Variants in IGSF9B observed in about 807,000 individuals in gnomAD.
IGSF9B encodes immunoglobulin superfamily member 9B.
In IGSF9B, 48 loss-of-function variants were observed where a neutral mutation model predicts 143.7. The observed-to-expected ratio is 0.33, with a 90% confidence interval of 0.26 to 0.42. The LOEUF is 0.42. IGSF9B is among the 20% of genes least tolerant of loss of function. IGSF9B has a pLI of 1.00. For missense variants in IGSF9B, 1,706 were observed against 1,980.0 expected, an observed-to-expected ratio of 0.86 and a Z score of 2.63; for synonymous variants, 903 against 833.1, an observed-to-expected ratio of 1.08 and a Z score of -1.44.
At chr11:133,915,669 T>G (rs994206161) in intron 18 of IGSF9B, among the ~76,000 whole-genome samples, 3 of 152,224 alleles carry the variant, frequency 2.0e-5, no homozygotes, top group African/African-American at 7.2e-5. Context: ...CAGGTCAAAG[T>G]GGAGGCAAGC....
At position 133,904,735 on chromosome 11, in the gene IGSF9B, C is replaced by T. The variant is rs1591704779; in HGVS notation, c.*4334G>A. Among the ~76,000 whole-genome samples the T allele has an allele frequency of 6.6e-6, 1 of 151,922 alleles. No individual in the cohort carries two copies. Among genetic ancestry groups the T allele is most frequent in the African/African-American group, 2.4e-5 (1 of 41,310 alleles). On this transcript the variant is annotated 3_prime_UTR_variant, in exon 20 of 20. Coordinates refer to ENST00000533871, the MANE Select transcript of IGSF9B (RefSeq NM_001277285.4). The stretch of plus-strand genomic sequence containing the variant: ...CCTGGGGTGGTCTCACCATCCTAAC[C>T]CATGCCTGACCTCACCCTCTGTGCC...
In IGSF9B at chr11:133,901,890, AACAC is replaced by A. The variant is rs767249629; in HGVS notation, c.*7175_*7178del. On this transcript the variant is annotated 3_prime_UTR_variant, in exon 20 of 20. Coordinates refer to ENST00000533871, the MANE Select transcript of IGSF9B (RefSeq NM_001277285.4). Reference sequence around the variant, plus strand: ...CCACACACGCACCACACACACACACAACACACACACAACACACCACACACAACAC... The same window carrying A: ...CCACACACGCACCACACACACACACAACACACAACACACCACACACAACAC... 4.8e-3 allele frequency among the ~76,000 whole-genome samples: 670 copies of A among 140,964 alleles called. 3 individuals carry two copies. The highest frequency in any genetic ancestry group is 8.0e-3 in the Admixed American group (114 of 14,192). The allele number at this position is 140,964 out of a possible 152,430, so 92.5% of individuals were successfully genotyped here.
rs1939193737 is a variant in IGSF9B at position 133,905,255 on chromosome 11, C to G, written c.*3814G>C. 6.6e-6 allele frequency among the ~76,000 whole-genome samples: 1 copy of G among 151,580 alleles called. No homozygotes were observed. Among genetic ancestry groups the G allele is most frequent in the Non-Finnish European group, 1.5e-5 (1 of 67,920 alleles). ...TTCTTCCCCCACCCCACCCCCAAGC[C>G]TGGAAAAGGCTTTTGCTAACAAAAT... On this transcript the variant is annotated 3_prime_UTR_variant, in exon 20 of 20. Transcript: ENST00000533871. The surrounding 1 kb of genome is among the most constrained non-coding windows in gnomAD (Gnocchi z 4.0).
intron 16 of IGSF9B, 61 bp downstream of exon 16, chr11:133,922,508 T>C: frequency 6.5e-7 from 1 of 1,543,916 alleles, no homozygotes; most frequent in Non-Finnish European, 8.9e-7. Context: ...GGTCCACCTC[T>C]CTTGATGGGG....
chr11:133,927,614 C>A (rs1939651221), intron 12 of IGSF9B, among the ~76,000 whole-genome samples: 1 of 152,196 alleles, frequency 6.6e-6, no homozygotes. Context: ...CCATAATGAC[C>A]AGGGGTTTCC....
intron 18 of IGSF9B, chr11:133,919,118 CGGG>C: frequency 3.0e-5 from 2 of 66,588 alleles, no homozygotes; most frequent in Non-Finnish European, 6.5e-5. Flanking sequence ...GCGAGGTATA[CGGG>C]GGGGGGGTGG....
At position 133,937,380 on chromosome 11, in the gene IGSF9B, G is replaced by A. The variant is rs774822245; in HGVS notation, c.675C>T (p.Val225=). Residue 225 remains valine (V), a synonymous_variant, in exon 5 of 20, where the codon GTC becomes GTT. Transcript: ENST00000533871. ...GGCTGAGGAAATGGCTCCTACCTTG[G>A]ACAAGCAGGTGAGTCGTGTGGACAG... ...GEAVHTTHLL[V]QGPPFIVSPP... 1 of 1,608,994 alleles carries A rather than the reference G, an allele frequency of 6.2e-7. No individual in the cohort carries two copies. The highest frequency in any genetic ancestry group is 1.1e-5 in the South Asian group (1 of 90,778).
At chr11:133,912,100 G>T in intron 18 of IGSF9B, 93 bp from the exon 19 acceptor site, 2 of 1,414,430 alleles carry the variant, frequency 1.4e-6, no homozygotes, top group Non-Finnish European at 1.9e-6. Context: ...CTGACCCACA[G>T]AAGGACAGAG....
intron 19 of IGSF9B, among the ~76,000 whole-genome samples, chr11:133,911,336 G>C (rs1251090515): frequency 6.6e-6 from 1 of 152,210 alleles, no homozygotes; most frequent in African/African-American, 2.4e-5. Flanking sequence ...ATCTCACTGA[G>C]AAGGGTGTAG....
Position 133,902,463 on chromosome 11 carries a change from G to GCACACC in IGSF9B, c.*6605_*6606insGGTGTG, listed in dbSNP as rs1163338242. ...ACACCACCCAGACACACCACACACA[G>GCACACC]ATACACACACCACACACAACACACA... On this transcript the variant is annotated 3_prime_UTR_variant, in exon 20 of 20. Coordinates refer to ENST00000533871, the MANE Select transcript of IGSF9B (RefSeq NM_001277285.4). Among the ~76,000 whole-genome samples the GCACACC allele has an allele frequency of 2.8e-4, 10 of 35,544 alleles. No individual in the cohort carries two copies. The highest frequency in any genetic ancestry group is 1.9e-3 in the East Asian group (1 of 514). The allele number at this position is 35,544 out of a possible 152,430, so 23.3% of individuals were successfully genotyped here.
At chr11:133,944,028 A>G (rs988492449) in intron 3 of IGSF9B, among the ~76,000 whole-genome samples, 192 bp downstream of exon 3, 17 of 152,370 alleles carry the variant, frequency 1.1e-4, no homozygotes, top group Admixed American at 1.1e-3. Flanking sequence ...CTGCCTGCAC[A>G]GGCTTCGAGA....
rs759835654 is a variant in IGSF9B at position 133,937,947 on chromosome 11, T to C, written c.424A>G (p.Thr142Ala). The change falls in exon 4 of 20, where the codon ACA (threonine) becomes GCA (alanine). Residue 142 changes from threonine to alanine, a missense_variant. Physicochemically the swap from Thr to Ala is moderately conservative, Grantham distance 58. This residue lies in a region of IGSF9B where 171 missense variants were observed against 213.9 expected (regional missense o/e 0.80). Coordinates refer to ENST00000533871, the MANE Select transcript of IGSF9B (RefSeq NM_001277285.4). ...HLTINAPPTF[T>A]ETPPQYIEAK... ...TCGATGTACTGGGGGGGTGTTTCTG[T>C]AAAGGTGGGAGGGGCTGCAAAGGAG... 2 of 1,613,136 alleles carry C rather than the reference T, an allele frequency of 1.2e-6. No homozygotes were observed. Among genetic ancestry groups the C allele is most frequent in the East Asian group, 4.5e-5 (2 of 44,850 alleles).
chr11:133,929,639 A>C (rs375358481), intron 12 of IGSF9B, 32 bp downstream of exon 12: 22 of 1,488,020 alleles, frequency 1.5e-5, no homozygotes, highest in Non-Finnish European at 2.1e-5. Context: ...CAGAGAGCAA[A>C]GCATGCCGGG....
intron 5 of IGSF9B, 44 bp from the exon 6 acceptor site, chr11:133,936,238 C>T (rs370345780): frequency 1.8e-5 from 28 of 1,578,790 alleles, no homozygotes; most frequent in African/African-American, 6.7e-5. Flanking sequence ...TGATCAGGGA[C>T]GGCAGCAGCA....
rs1168772180 is a variant in IGSF9B, at chr11:133,920,698, G to A, written c.3027C>T (p.His1009=). 3 of 1,613,416 alleles carry A rather than the reference G, an allele frequency of 1.9e-6. No individual in the cohort carries two copies. Among genetic ancestry groups the A allele is most frequent in the African/African-American group, 1.3e-5 (1 of 75,050 alleles). The part of the protein sequence containing the change: ...PPLPTEGPFG[H]PTIPEENGEN... Reference sequence around the variant, plus strand: ...CTCCATTCTCCTCGGGGATGGTGGGGTGGCCAAAGGGCCCCTCGGTGGGCA... The same window carrying A: ...CTCCATTCTCCTCGGGGATGGTGGGATGGCCAAAGGGCCCCTCGGTGGGCA... Residue 1009 remains histidine (H), a synonymous_variant, in exon 18 of 20, where the codon CAC becomes CAT. Transcript: ENST00000533871.
rs1258057679 is a variant in IGSF9B, at chr11:133,899,740, A to G, written c.*9329T>C. On this transcript the variant is annotated 3_prime_UTR_variant, in exon 20 of 20. Coordinates refer to ENST00000533871, the MANE Select transcript of IGSF9B (RefSeq NM_001277285.4). ...AGAGGGGATGGTGGGTCTAGAAGCC[A>G]ACAGAACAGTAATGGGAGCCTCCCT... 6.6e-6 allele frequency: 1 copy of G among 152,334 alleles called. No individual in the cohort carries two copies. Among genetic ancestry groups the G allele is most frequent in the Non-Finnish European group, 1.5e-5 (1 of 68,120 alleles). The allele number at this position is 152,334 out of a possible 1,614,324, so 9.4% of individuals were successfully genotyped here.
chr11:133,921,077 G>A lies in IGSF9B; in HGVS notation c.2648C>T (p.Thr883Met), dbSNP rs936090495. The change falls in exon 18 of 20, where the codon ACG (threonine) becomes ATG (methionine). Residue 883 changes from threonine (T) to methionine (M), a missense_variant. Thr to Met is a moderately conservative substitution (Grantham distance 81). Transcript: ENST00000533871. ...RIEGFPFAEE[T>M]DMYPEFRQSD... ...CTGGCGGAACTCGGGGTACATGTCC[G>A]TCTCCTCGGCGAAGGGGAAGCCCTC... 32 of 1,613,766 alleles carry A rather than the reference G, an allele frequency of 2.0e-5. No individual in the cohort carries two copies. The highest frequency in any genetic ancestry group is 2.4e-5 in the Non-Finnish European group (28 of 1,179,876).
chr11:133,919,574 G>C (rs548589824), intron 18 of IGSF9B, among the ~76,000 whole-genome samples, 168 bp downstream of exon 18: 69 of 152,320 alleles, frequency 4.5e-4, no homozygotes, highest in African/African-American at 1.5e-3. Context: ...CCCAGCGACT[G>C]CACCCCGCCC....
chr11:133,935,831 C>T lies in IGSF9B; in HGVS notation c.822-69G>A, dbSNP rs775019356. On this transcript the variant is annotated intron_variant, in intron 6 of 19. Coordinates refer to ENST00000533871, the MANE Select transcript of IGSF9B (RefSeq NM_001277285.4). ...GATCTTGCCGCAGACACACAGTCAC[C>T]GTCACTGCCCCAGATGTGGCATGGA... 8.2e-5 allele frequency: 127 copies of T among 1,556,752 alleles called. 1 individual carries two copies. Among genetic ancestry groups the T allele is most frequent in the Non-Finnish European group, 1.0e-4 (117 of 1,153,208 alleles).
Sources: allele counts gnomAD v4.1 joint callset (sites outside exome capture counted in the v4.1 genomes callset), GRCh38; gene constraint gnomAD v4.1.1; regional missense constraint gnomAD v4.1.1; non-coding constraint Gnocchi (gnomAD v3.1); transcripts MANE v1.5; gene names NCBI Gene and HGNC (gene_info 2026-07-23, HGNC 2026-07-21).